The following POTEH variants were observed in gnomAD, a reference collection of about 807,000 sequenced individuals.
POTEH encodes the protein ANKRD26-like family C member 3.
In POTEH, 6 loss-of-function variants were observed where a neutral mutation model predicts 41.7. That is an observed-to-expected ratio of 0.14 (90% CI 0.08 to 0.28). POTEH has a LOEUF of 0.28. Among genes scored for constraint, POTEH ranks in the 10% least tolerant of loss-of-function variants. The probability of loss-of-function intolerance (pLI) is 1.00; values close to 1 mark genes in which losing one functional copy is unlikely to be tolerated. For synonymous variants in POTEH, 38 were observed against 179.9 expected, an observed-to-expected ratio of 0.21 and a Z score of 6.31; for missense variants, 115 against 533.5, an observed-to-expected ratio of 0.22 and a Z score of 7.73.
At chr22:15,692,009 A>ATAAAC (rs1421248855) in intron 1 of POTEH, among the ~76,000 whole-genome samples, 5 of 128,556 alleles carry the variant, frequency 3.9e-5, no homozygotes, top group Admixed American at 8.1e-5. Flanking sequence ...TATATATATA[A>ATAAAC]ATTTCTTTTT....
chr22:15,718,759 C>A (rs1253283655), intron 9 of POTEH, among the ~76,000 whole-genome samples: 72 of 151,482 alleles, frequency 4.8e-4, no homozygotes, highest in South Asian at 1.3e-3. Flanking sequence ...AATTGCTTTG[C>A]CTAGGACTTC....
At chr22:15,691,292 G>A (rs562118530) in intron 1 of POTEH, among the ~76,000 whole-genome samples, 174 of 139,810 alleles carry the variant, frequency 1.2e-3, no homozygotes, top group African/African-American at 4.3e-3. Context: ...GGGAGGCTGA[G>A]GAGGGCAGAT....
intron 8 of POTEH, among the ~76,000 whole-genome samples, chr22:15,710,246 T>G (rs1440874251): frequency 1.3e-5 from 2 of 152,292 alleles, no homozygotes; most frequent in Admixed American, 6.5e-5. Flanking sequence ...TGATTGTACC[T>G]CAGCAGTTTC....
chr22:15,691,133 A>G (rs1236186544), intron 1 of POTEH, among the ~76,000 whole-genome samples: 61 of 142,048 alleles, frequency 4.3e-4, no homozygotes, highest in African/African-American at 1.6e-3. Context: ...ATCAATGTAC[A>G]CTATGTAAAT....
At chr22:15,692,009 A>ATATATATATAAATAAAAC (rs1421248855) in intron 1 of POTEH, among the ~76,000 whole-genome samples, 30 of 128,426 alleles carry the variant, frequency 2.3e-4, no homozygotes, top group African/African-American at 6.1e-4. Context: ...TATATATATA[A>ATATATATATAAATAAAAC]ATTTCTTTTT....
At chr22:15,711,574 A>G (rs371350691) in intron 9 of POTEH, among the ~76,000 whole-genome samples, 11,720 of 140,220 alleles carry the variant, frequency 0.084, 8 homozygotes, top group South Asian at 0.13. Context: ...TGCAAGGGAA[A>G]TGGTTTCACT....
chr22:15,692,709 C>T (rs1322881667), intron 1 of POTEH, among the ~76,000 whole-genome samples: 1 of 121,344 alleles, frequency 8.2e-6, no homozygotes, highest in Admixed American at 8.6e-5. Flanking sequence ...GAGCCGAGAT[C>T]GTGCCACTAC....
intron 1 of POTEH, among the ~76,000 whole-genome samples, chr22:15,692,649 G>A (rs547439648): frequency 1.8e-5 from 2 of 109,814 alleles, no homozygotes; most frequent in African/African-American, 3.5e-5. Flanking sequence ...CAGCTACTCA[G>A]GAGGCTGAAG....
intron 3 of POTEH, chr22:15,697,461 C>T: frequency 6.2e-6 from 1 of 160,504 alleles, no homozygotes; most frequent in South Asian, 6.7e-5. Flanking sequence ...TCAGATGGTC[C>T]TCCAACCTCA....
At chr22:15,714,281 C>T (rs1225860373) in intron 9 of POTEH, among the ~76,000 whole-genome samples, 157 of 151,932 alleles carry the variant, frequency 1.0e-3, no homozygotes, top group African/African-American at 3.7e-3. Flanking sequence ...CTTCCCCTTT[C>T]ATCAATTCTT....
intron 1 of POTEH, among the ~76,000 whole-genome samples, chr22:15,691,443 G>C (rs1366394101): frequency 8.1e-6 from 1 of 123,932 alleles, no homozygotes; most frequent in Non-Finnish European, 1.8e-5. Flanking sequence ...GGAGAATGGC[G>C]TGAACCTGGG....
At chr22:15,713,511 T>C (rs1408653956) in intron 9 of POTEH, among the ~76,000 whole-genome samples, 1 of 152,272 alleles carries the variant, frequency 6.6e-6, no homozygotes, top group Non-Finnish European at 1.5e-5. Context: ...GACATTTTTT[T>C]TTTTTTAAGA....
At chr22:15,692,126 T>A (rs1234787917) in intron 1 of POTEH, among the ~76,000 whole-genome samples, 1 of 129,988 alleles carries the variant, frequency 7.7e-6, no homozygotes, top group Non-Finnish European at 1.8e-5. Flanking sequence ...TGCTTCAGCC[T>A]ACTGAGTAGC....
At chr22:15,709,592 CAT>C in intron 7 of POTEH, among the ~76,000 whole-genome samples, 188 bp from the exon 8 acceptor site, 1 of 122,072 alleles carries the variant, frequency 8.2e-6, no homozygotes, top group Admixed American at 8.6e-5. Flanking sequence ...GGTAGCTAAA[CAT>C]AGATTAAAAA....
chr22:15,691,525 C>CAAAAA (rs1173004751), intron 1 of POTEH, among the ~76,000 whole-genome samples: 2 of 88,096 alleles, frequency 2.3e-5, no homozygotes, highest in Non-Finnish European at 2.4e-5. Flanking sequence ...GACTCCGTCT[C>CAAAAA]AAAAAAAAAA....
At chr22:15,714,545 G>A (rs1394873680) in intron 9 of POTEH, among the ~76,000 whole-genome samples, 2 of 152,018 alleles carry the variant, frequency 1.3e-5, no homozygotes, top group East Asian at 1.9e-4. Flanking sequence ...TCACACCTCT[G>A]CACTTAGCAG....
chr22:15,690,763 A>G lies in POTEH; in HGVS notation c.632+54A>G. 7.2e-6 allele frequency: 10 copies of G among 1,390,532 alleles called. 3 individuals carry two copies. The highest frequency in any genetic ancestry group is 1.2e-5 in the South Asian group (1 of 84,042). 86.1% of individuals were successfully genotyped at this position (1,390,532 alleles called of 1,614,324 possible). A position where few individuals can be genotyped will look rare whatever the true frequency, so the allele number is the denominator to read the frequency against. On this transcript the variant is annotated intron_variant, in intron 1 of 10. Transcript: ENST00000343518. ...GGATGTGGGAGGATGATGGGGACAT[A>G]CCCTCCTGGCCGGGGAGGAGGGGAG...
chr22:15,705,372 TTTTG>T (rs1458435779), intron 6 of POTEH, among the ~76,000 whole-genome samples: 14 of 135,652 alleles, frequency 1.0e-4, no homozygotes, highest in South Asian at 2.5e-4. Flanking sequence ...TTTTTTTTTT[TTTTG>T]GTGTTATGCT....
At chr22:15,705,353 CTT>C (rs377062560) in intron 6 of POTEH, among the ~76,000 whole-genome samples, 279 of 14,168 alleles carry the variant, frequency 0.02, no homozygotes, top group South Asian at 0.047. Context: ...ATATGTTGGC[CTT>C]TTTTTTTTTT....
Sources: allele counts gnomAD v4.1 joint callset (sites outside exome capture counted in the v4.1 genomes callset), GRCh38; gene constraint gnomAD v4.1.1; transcripts MANE v1.5; gene names NCBI Gene and HGNC (gene_info 2026-07-23, HGNC 2026-07-21).